Variants in ANKRD30BL observed in about 807,000 individuals in gnomAD.
ANKRD30BL encodes putative ankyrin repeat domain-containing protein 30B-like.
ANKRD30BL carries 20 observed loss-of-function variants against 18.4 expected under a neutral mutation model. The observed-to-expected ratio is 1.09, with a 90% CI of 0.77 to 1.58. The LOEUF is 1.58. Ranked by LOEUF, ANKRD30BL falls within the 40% of genes most tolerant of loss-of-function variation. The pLI is 0.00. For synonymous variants in ANKRD30BL, 72 were observed against 100.9 expected (o/e 0.71, Z 1.72); for missense variants, 224 against 268.6 (o/e 0.83, Z 1.16).
At chr2:132,236,032 C>T (rs547533782) in intron 1 of ANKRD30BL, among the ~76,000 whole-genome samples, 52 of 152,138 alleles carry the variant, frequency 3.4e-4, no homozygotes, top group African/African-American at 1.2e-3. Context: ...AGAAATAATG[C>T]CACATATCCA....
intron 1 of ANKRD30BL, among the ~76,000 whole-genome samples, chr2:132,255,429 C>T (rs1394226729): frequency 6.6e-6 from 1 of 152,080 alleles, no homozygotes; most frequent in Non-Finnish European, 1.5e-5. Flanking sequence ...CCACAGGACA[C>T]TCAGCTAAGA....
intron 1 of ANKRD30BL, among the ~76,000 whole-genome samples, chr2:132,228,272 G>A (rs374152721): frequency 2.0e-5 from 3 of 148,844 alleles, no homozygotes; most frequent in African/African-American, 4.9e-5. Context: ...ACATCAAAAC[G>A]ACACAGAAGA....
chr2:132,162,860 A>G, upstream of ANKRD30BL, among the ~76,000 whole-genome samples: 1 of 152,342 alleles, frequency 6.6e-6, no homozygotes, highest in South Asian at 2.1e-4. Flanking sequence ...CCAGAGGGGA[A>G]GAGGGGAGTT....
At chr2:132,240,617 G>A (rs1159472959) in intron 1 of ANKRD30BL, among the ~76,000 whole-genome samples, 3 of 151,558 alleles carry the variant, frequency 2.0e-5, no homozygotes, top group African/African-American at 7.3e-5. Flanking sequence ...ATCGGCAAGT[G>A]GATATAGGGA....
Position 132,220,326 on chromosome 2 carries a change from GTCCCTC to G in ANKRD30BL, n.441+37197_441+37202del, listed in dbSNP as rs1215625153. On this transcript the variant is annotated intron_variant and non_coding_transcript_variant, in intron 1 of 4. Coordinates refer to the ANKRD30BL transcript ENST00000470729. ...TGTCCCTCTCCCTCTCCCTCTCCCT[GTCCCTC>G]TCCCTCTCCCTCTCCCTGTCCCTCT... 7.5e-3 allele frequency among the ~76,000 whole-genome samples: 252 copies of G among 33,596 alleles called. 7 individuals carry two copies. The highest frequency in any genetic ancestry group is 0.036 in the African/African-American group (234 of 6,538). 22.0% of individuals were successfully genotyped at this position (33,596 alleles called of 152,430 possible).
intron 1 of ANKRD30BL, among the ~76,000 whole-genome samples, chr2:132,204,725 G>A (rs1223132670): frequency 8.6e-5 from 13 of 152,028 alleles, no homozygotes; most frequent in Non-Finnish European, 1.5e-4. Flanking sequence ...AAGAGTCAAG[G>A]TATATATACT....
At position 132,148,246 on chromosome 2, in the gene ANKRD30BL, T is replaced by C; in HGVS notation, c.680-18A>G. ...TGTTCCTTCTGCCAAACACAGAGTCTGGTTAAATTTTCCTTCGCTAAATAT... is the reference window on the plus strand; with the variant it reads ...TGTTCCTTCTGCCAAACACAGAGTCCGGTTAAATTTTCCTTCGCTAAATAT... On this transcript the variant is annotated intron_variant, in intron 5 of 5. Coordinates refer to ENST00000409867, the MANE Select transcript of ANKRD30BL (RefSeq NM_001358416.1). 2 of 1,593,126 alleles carry C rather than the reference T, an allele frequency of 1.3e-6. No individual in the cohort carries two copies. Among genetic ancestry groups the C allele is most frequent in the Non-Finnish European group, 1.7e-6 (2 of 1,169,550 alleles).
intron 1 of ANKRD30BL, among the ~76,000 whole-genome samples, chr2:132,167,132 G>T (rs1558917482): frequency 6.6e-6 from 1 of 151,288 alleles, no homozygotes; most frequent in Non-Finnish European, 1.5e-5. Context: ...TGTGGTCTGA[G>T]TGTGTACTTT....
chr2:132,254,461 C>A (rs111573516), intron 1 of ANKRD30BL, among the ~76,000 whole-genome samples: 2,396 of 150,484 alleles, frequency 0.016, 59 homozygotes, highest in African/African-American at 0.056. Context: ...GCTGACCCAG[C>A]GGGCTGATCC....
intron 1 of ANKRD30BL, among the ~76,000 whole-genome samples, chr2:132,256,330 G>T (rs910512460): frequency 1.4e-5 from 2 of 142,604 alleles, no homozygotes; most frequent in Non-Finnish European, 3.1e-5. Context: ...GTGGTGGGGC[G>T]GCGAACCGGA....
At chr2:132,237,177 A>C (rs1680173263) in intron 1 of ANKRD30BL, among the ~76,000 whole-genome samples, 1 of 152,030 alleles carries the variant, frequency 6.6e-6, no homozygotes, top group Non-Finnish European at 1.5e-5. Context: ...CTAATGCTAG[A>C]AGACGAGTTA....
At chr2:132,201,260 A>G (rs1015649300) in intron 1 of ANKRD30BL, among the ~76,000 whole-genome samples, 1 of 152,188 alleles carries the variant, frequency 6.6e-6, no homozygotes, top group African/African-American at 2.4e-5. Flanking sequence ...CTAAAACACC[A>G]AAAGCAATGG....
intron 1 of ANKRD30BL, among the ~76,000 whole-genome samples, chr2:132,218,876 CT>C (rs1332504523): frequency 6.6e-6 from 1 of 151,936 alleles, no homozygotes; most frequent in African/African-American, 2.4e-5. Flanking sequence ...AGAGTTAAAC[CT>C]TTCTTTTGAT....
chr2:132,186,710 AC>A (rs574110691), intron 1 of ANKRD30BL, among the ~76,000 whole-genome samples: 320 of 152,364 alleles, frequency 2.1e-3, no homozygotes, highest in Non-Finnish European at 3.8e-3. Flanking sequence ...TCTCACACAT[AC>A]TGAGTATGGA....
At chr2:132,196,719 G>A (rs1408886085) in intron 1 of ANKRD30BL, among the ~76,000 whole-genome samples, 1 of 151,708 alleles carries the variant, frequency 6.6e-6, no homozygotes, top group East Asian at 1.9e-4. Flanking sequence ...CAGGAGGAGA[G>A]TCACTTGAAC....
intron 1 of ANKRD30BL, among the ~76,000 whole-genome samples, chr2:132,167,000 T>C (rs1281892481): frequency 6.6e-6 from 1 of 151,498 alleles, no homozygotes; most frequent in Non-Finnish European, 1.5e-5. Context: ...TTCATTTAAT[T>C]CCAAATATTT....
chr2:132,234,141 G>T (rs1680090144), intron 1 of ANKRD30BL, among the ~76,000 whole-genome samples: 1 of 152,056 alleles, frequency 6.6e-6, no homozygotes. Flanking sequence ...AAACCAACAT[G>T]AACAAAGACA....
intron 1 of ANKRD30BL, among the ~76,000 whole-genome samples, chr2:132,184,324 C>G (rs572068161): frequency 2.6e-5 from 4 of 152,272 alleles, no homozygotes; most frequent in African/African-American, 7.2e-5. Context: ...GTCTGCATGT[C>G]TGGTTTGTGA....
At chr2:132,198,273 TTTCTTTC>T (rs1483939904) in intron 1 of ANKRD30BL, among the ~76,000 whole-genome samples, 5 of 28,472 alleles carry the variant, frequency 1.8e-4, no homozygotes, top group African/African-American at 4.4e-4. Context: ...CTTTCTTTTC[TTTCTTTC>T]TTTCTTTCTT....
Sources: allele counts gnomAD v4.1 joint callset (sites outside exome capture counted in the v4.1 genomes callset), GRCh38; gene constraint gnomAD v4.1.1; transcripts MANE v1.5; gene names NCBI Gene and HGNC (gene_info 2026-07-23, HGNC 2026-07-21).